SEMA5A: variants seen among roughly 807,000 people sequenced by gnomAD.
SEMA5A encodes the protein semaphorin 5A, also known as semaphorin-5A.
Under a neutral mutation model 135.5 loss-of-function variants are expected in SEMA5A, and 55 were observed. The ratio of observed to expected loss-of-function variants is 0.41; its 90% confidence interval spans 0.33 to 0.51. The LOEUF (loss-of-function observed/expected upper bound fraction) is 0.51, where lower values mean the gene tolerates loss of function less well. SEMA5A is among the 20% of genes least tolerant of loss of function. The pLI is 0.37. For synonymous variants in SEMA5A, 580 were observed against 546.5 expected (o/e 1.06, Z -0.85); for missense variants, 1,290 against 1,419.9 (o/e 0.91, Z 1.47).
At chr5:9,347,079 T>C (rs1262180951) in intron 3 of SEMA5A, among the ~76,000 whole-genome samples, 1 of 152,086 alleles carries the variant, frequency 6.6e-6, no homozygotes, top group Non-Finnish European at 1.5e-5. Flanking sequence ...TAATAACCAA[T>C]TAGAGAAATT....
intron 16 of SEMA5A, among the ~76,000 whole-genome samples, chr5:9,106,490 C>T: frequency 6.6e-6 from 1 of 152,030 alleles, no homozygotes. Context: ...ATGATGTGGA[C>T]TGTTCTCTGA....
intron 17 of SEMA5A, among the ~76,000 whole-genome samples, chr5:9,063,693 T>C (rs1205395380): frequency 2.0e-5 from 3 of 152,306 alleles, no homozygotes; most frequent in East Asian, 3.9e-4. Flanking sequence ...CTGAGTGACA[T>C]TGGCAAACGT....
chr5:9,464,525 C>T (rs1036377295), intron 1 of SEMA5A, among the ~76,000 whole-genome samples: 2 of 152,174 alleles, frequency 1.3e-5, no homozygotes, highest in African/African-American at 4.8e-5. Flanking sequence ...ATTTTAATAA[C>T]ATATTTTTAA....
At chr5:9,047,009 G>C (rs1308017032) in intron 21 of SEMA5A, among the ~76,000 whole-genome samples, 1 of 152,062 alleles carries the variant, frequency 6.6e-6, no homozygotes, top group African/African-American at 2.4e-5. Flanking sequence ...GAAGCCTCTA[G>C]GGCTGGAGAA....
intron 5 of SEMA5A, among the ~76,000 whole-genome samples, chr5:9,244,377 T>C (rs1748371432): frequency 2.0e-5 from 3 of 152,162 alleles, no homozygotes; most frequent in African/African-American, 7.2e-5. Flanking sequence ...TTTCTCAGCA[T>C]GGTCTCTGAA....
chr5:9,524,253 G>A (rs1736999813), intron 1 of SEMA5A, among the ~76,000 whole-genome samples: 1 of 152,206 alleles, frequency 6.6e-6, no homozygotes, highest in African/African-American at 2.4e-5. Context: ...GGAACTATGA[G>A]TCAACTAAAC....
At chr5:9,117,533 T>G (rs1312450497) in intron 15 of SEMA5A, among the ~76,000 whole-genome samples, 3 of 152,258 alleles carry the variant, frequency 2.0e-5, no homozygotes, top group Non-Finnish European at 2.9e-5. Flanking sequence ...ATATACCATA[T>G]ACACAAAGGC....
intron 5 of SEMA5A, among the ~76,000 whole-genome samples, chr5:9,283,201 T>G (rs938293861): frequency 3.9e-5 from 6 of 152,206 alleles, no homozygotes; most frequent in Admixed American, 1.3e-4. Context: ...TACCTATGAA[T>G]TATCTCTCAG....
chr5:9,221,526 T>C (rs1228495914), intron 8 of SEMA5A, among the ~76,000 whole-genome samples: 2 of 151,880 alleles, frequency 1.3e-5, no homozygotes, highest in African/African-American at 4.8e-5. Context: ...ATGGTCTCGA[T>C]CTCCTGACCT....
chr5:9,524,263 C>T (rs529239290), intron 1 of SEMA5A, among the ~76,000 whole-genome samples: 1 of 152,312 alleles, frequency 6.6e-6, no homozygotes, highest in East Asian at 1.9e-4. Context: ...GTCAACTAAA[C>T]ATCTTTTCTT....
chr5:9,353,140 A>AGGAAAGGAAAGAAAAGGAG (rs1754236687), intron 3 of SEMA5A, among the ~76,000 whole-genome samples: 1 of 85,396 alleles, frequency 1.2e-5, no homozygotes, highest in Non-Finnish European at 2.4e-5. Context: ...AGGAAAGGAA[A>AGGAAAGGAAAGAAAAGGAG]GGAAAGGAAA....
intron 6 of SEMA5A, among the ~76,000 whole-genome samples, chr5:9,237,491 G>A (rs1349544532): frequency 6.6e-6 from 1 of 152,112 alleles, no homozygotes. Flanking sequence ...TAGCTGTAAA[G>A]TAAGAAAGGA....
chr5:9,477,391 T>C (rs1023188945), intron 1 of SEMA5A, among the ~76,000 whole-genome samples: 1 of 151,834 alleles, frequency 6.6e-6, no homozygotes, highest in Non-Finnish European at 1.5e-5. Context: ...TGGGCAGAGG[T>C]TGGAATAGTC....
chr5:9,113,188 A>T (rs1030200775), intron 15 of SEMA5A, among the ~76,000 whole-genome samples: 5 of 152,220 alleles, frequency 3.3e-5, no homozygotes, highest in African/African-American at 1.2e-4. Context: ...TTAAATGCCT[A>T]AATCTGTGGT....
At chr5:9,448,916 C>A (rs1758531679) in intron 1 of SEMA5A, among the ~76,000 whole-genome samples, 2 of 152,168 alleles carry the variant, frequency 1.3e-5, no homozygotes, top group Admixed American at 1.3e-4. Flanking sequence ...ACTTCACATT[C>A]CCAAGGCCAG....
chr5:9,500,090 T>G (rs1243559461), intron 1 of SEMA5A, among the ~76,000 whole-genome samples: 1 of 152,200 alleles, frequency 6.6e-6, no homozygotes, highest in Non-Finnish European at 1.5e-5. Context: ...ACATATGCAA[T>G]TAAGAAGAAA....
chr5:9,310,027 C>T (rs1752052857), intron 5 of SEMA5A, among the ~76,000 whole-genome samples: 1 of 152,050 alleles, frequency 6.6e-6, no homozygotes, highest in Admixed American at 6.6e-5. Flanking sequence ...AGCAATCAAA[C>T]ATTGATAAAC....
At chr5:9,484,189 A>C (rs1239699817) in intron 1 of SEMA5A, among the ~76,000 whole-genome samples, 1 of 152,244 alleles carries the variant, frequency 6.6e-6, no homozygotes, top group African/African-American at 2.4e-5. Flanking sequence ...AAAAAGCTTG[A>C]ATTTCAAGGA....
At chr5:9,312,741 T>A (rs1752199887) in intron 5 of SEMA5A, among the ~76,000 whole-genome samples, 1 of 152,172 alleles carries the variant, frequency 6.6e-6, no homozygotes, top group African/African-American at 2.4e-5. Flanking sequence ...AGACAAGATT[T>A]TTTTTGGCAA....
Sources: allele counts gnomAD v4.1 joint callset (sites outside exome capture counted in the v4.1 genomes callset), GRCh38; gene constraint gnomAD v4.1.1; transcripts MANE v1.5; gene names NCBI Gene and HGNC (gene_info 2026-07-23, HGNC 2026-07-21).